TOM1L2: variants seen among roughly 807,000 people sequenced by gnomAD.
TOM1L2 encodes TOM1-like protein 2.
TOM1L2 carries 31 observed loss-of-function variants against 67.9 expected under a neutral mutation model. The ratio of observed to expected loss-of-function variants is 0.46; its 90% CI spans 0.34 to 0.62. The LOEUF (loss-of-function observed/expected upper bound fraction) is 0.62. Among genes scored for constraint, TOM1L2 ranks in the 20% least tolerant of loss-of-function variants. The probability of loss-of-function intolerance (pLI) is 0.01; values close to 1 mark genes in which losing one functional copy is unlikely to be tolerated. For missense variants in TOM1L2, 606 were observed against 663.5 expected (o/e 0.91, Z 0.95); for synonymous variants, 256 against 254.0 (o/e 1.01, Z -0.07).
In TOM1L2 at chr17:17,847,701, G is replaced by A. The variant is rs779631050; in HGVS notation, c.1458C>T (p.Ala486=). The change falls in exon 15 of 15, where the codon GCC becomes GCT. Residue 486 remains alanine, a synonymous_variant. Transcript: ENST00000379504. ...DLPSPPMEAP[A]PASNPSGRKK... Reference sequence around the variant, plus strand: ...TCCGGCCAGAAGGGTTTGAGGCTGGGGCAGGAGCCTCCATGGGGGGCGAGG... The same window carrying A: ...TCCGGCCAGAAGGGTTTGAGGCTGGAGCAGGAGCCTCCATGGGGGGCGAGG... The A allele has an allele frequency of 3.1e-6, 5 of 1,613,932 alleles. No homozygotes were observed. Among genetic ancestry groups the A allele is most frequent in the East Asian group, 4.5e-5 (2 of 44,892 alleles).
rs1005227881 is a variant in TOM1L2 at position 17,844,554 on chromosome 17, T to C, written c.*3081A>G. On this transcript the variant is annotated 3_prime_UTR_variant, in exon 15 of 15. Transcript: ENST00000379504. ...TCTAGCCCAGGCCAGCAACAACCCC[T>C]TGAGGCTCCAAAGCTCCTTGTCCCA... 1 of 152,380 alleles carries C rather than the reference T, an allele frequency of 6.6e-6. No individual in the cohort carries two copies. Among genetic ancestry groups the C allele is most frequent in the Non-Finnish European group, 1.5e-5 (1 of 68,124 alleles). 9.4% of individuals were successfully genotyped at this position (152,380 alleles called of 1,614,324 possible).
At chr17:17,869,692 C>T in intron 7 of TOM1L2, 9 of 1,367,556 alleles carry the variant, frequency 6.6e-6, no homozygotes, top group Non-Finnish European at 8.5e-6. Context: ...GACAAATGTC[C>T]AGACATACTG....
chr17:17,889,424 G>A (rs916147703), intron 4 of TOM1L2, among the ~76,000 whole-genome samples: 1 of 152,138 alleles, frequency 6.6e-6, no homozygotes, highest in African/African-American at 2.4e-5. Flanking sequence ...CTTCCCTATA[G>A]GCACAGGGGG....
chr17:17,866,319 A>G lies in TOM1L2; in HGVS notation c.1061T>C (p.Leu354Pro), dbSNP rs2036847066. The change falls in exon 10 of 15, where the codon CTC becomes CCC. Residue 354 changes from leucine to proline, a missense_variant. Physicochemically the swap from Leu to Pro is moderately conservative, Grantham distance 98. Coordinates refer to ENST00000379504, the MANE Select transcript of TOM1L2 (RefSeq NM_001082968.2). ...ACCTAAGCCTGCAAGCTGGGAGGAG[A>G]GGGAAGATGGGGGCGCTGTGTTCCC... Reference protein sequence around the residue: ...MVGNTAPPSSLSSQLAGLDLG... With the variant: ...MVGNTAPPSSPSSQLAGLDLG... The G allele has an allele frequency of 1.9e-6, 3 of 1,612,724 alleles. No homozygotes were observed. Among genetic ancestry groups the G allele is most frequent in the Non-Finnish European group, 2.5e-6 (3 of 1,179,514 alleles).
Position 17,866,914 on chromosome 17 carries a change from A to G in TOM1L2, c.922T>C (p.Tyr308His). ...TTTTGAACGGATCGGCCAGACCTGT[A>G]TCGTTCGAACCTAACAGGGGAAGGG... ...VFLRYERFER[Y>H]RSGRSVQNAS... is the part of the protein sequence containing the mutation. Residue 308 changes from tyrosine (Y) to histidine (H), a missense_variant, in exon 9 of 15, where the codon TAC (tyrosine) becomes CAC (histidine). By Grantham distance (83) the Tyr-to-His change is moderately conservative (BLOSUM62 2). Around this residue, in one of 2 missense-constraint regions of TOM1L2, gnomAD observed 543 missense variants for 554.0 expected, o/e 0.98. Transcript: ENST00000379504. The G allele has an allele frequency of 1.9e-6, 3 of 1,614,056 alleles. No homozygotes were observed. The highest frequency in any genetic ancestry group is 2.5e-6 in the Non-Finnish European group (3 of 1,179,948).
At chr17:17,938,298 G>A (rs192487679) in intron 1 of TOM1L2, among the ~76,000 whole-genome samples, 3 of 152,340 alleles carry the variant, frequency 2.0e-5, no homozygotes, top group East Asian at 1.9e-4. Flanking sequence ...CTGGCAGGAC[G>A]TTCTAGAAGG....
chr17:17,866,224 A>G, intron 10 of TOM1L2, 72 bp downstream of exon 10: 2 of 1,500,786 alleles, frequency 1.3e-6, no homozygotes, highest in Non-Finnish European at 1.8e-6. Flanking sequence ...CCAAGAAAGA[A>G]AGAGAGGTGG....
intron 7 of TOM1L2, among the ~76,000 whole-genome samples, chr17:17,875,503 A>G (rs1424064963): frequency 6.6e-6 from 1 of 152,070 alleles, no homozygotes; most frequent in Non-Finnish European, 1.5e-5. Flanking sequence ...TGCTCAGGTC[A>G]CCCTTTCCAC....
chr17:17,968,806 C>A (rs1391303916), intron 1 of TOM1L2, among the ~76,000 whole-genome samples: 2 of 152,094 alleles, frequency 1.3e-5, no homozygotes. Context: ...GTGCCTGTGC[C>A]CCACTCCCTG....
chr17:17,926,316 C>G (rs536735921), intron 1 of TOM1L2, among the ~76,000 whole-genome samples: 1 of 152,180 alleles, frequency 6.6e-6, no homozygotes, highest in Non-Finnish European at 1.5e-5. Context: ...TTATTCTGAC[C>G]AGGCCTCCCT....
In TOM1L2 at chr17:17,848,882, G is replaced by A. The variant is rs371800783; in HGVS notation, c.1339-23C>T. ...CTTCTGTGGGAGGAGCAGAGAAAAT[G>A]AAATTAGGGCACTGGTCCAAGCACT... On this transcript the variant is annotated intron_variant, in intron 13 of 14. Transcript: ENST00000379504. 3.7e-6 allele frequency: 6 copies of A among 1,614,072 alleles called. No homozygotes were observed. In the African/African-American group the frequency reaches 6.7e-5, roughly 18 times the overall value.
At chr17:17,876,946 A>C (rs2037455251) in intron 7 of TOM1L2, among the ~76,000 whole-genome samples, 1 of 152,212 alleles carries the variant, frequency 6.6e-6, no homozygotes, top group Non-Finnish European at 1.5e-5. Context: ...ACTTCCTGGA[A>C]GGTCTCTCCC....
At chr17:17,897,507 A>C (rs900584557) in intron 3 of TOM1L2, among the ~76,000 whole-genome samples, 5 of 152,228 alleles carry the variant, frequency 3.3e-5, no homozygotes, top group Non-Finnish European at 5.9e-5. Context: ...TTCTATTTTA[A>C]GAACTCACTG....
In TOM1L2 at chr17:17,884,703, C is replaced by CA; in HGVS notation, c.431dup (p.Lys145GlufsTer6). ...TGGGAAATTCAACCCCTTTCCTCTTCAGCTCCTCATATATGTGCACAACGC... is the reference window on the plus strand; with the variant it reads ...TGGGAAATTCAACCCCTTTCCTCTTCAAGCTCCTCATATATGTGCACAACGC... On this transcript the variant is annotated frameshift_variant, in exon 5 of 15. Coordinates refer to ENST00000379504, the MANE Select transcript of TOM1L2 (RefSeq NM_001082968.2). LOFTEE classifies it high-confidence loss of function. 1 of 1,614,030 alleles carries CA rather than the reference C, an allele frequency of 6.2e-7. No individual in the cohort carries two copies. The highest frequency in any genetic ancestry group is 8.5e-7 in the Non-Finnish European group (1 of 1,180,030).
At chr17:17,949,426 T>G (rs564409580) in intron 1 of TOM1L2, among the ~76,000 whole-genome samples, 11 of 152,324 alleles carry the variant, frequency 7.2e-5, no homozygotes, top group African/African-American at 2.6e-4. Flanking sequence ...GAATAAATGT[T>G]ACAAAGTGCC....
intron 1 of TOM1L2, among the ~76,000 whole-genome samples, chr17:17,963,729 G>A (rs1296421353): frequency 2.6e-5 from 4 of 152,208 alleles, no homozygotes; most frequent in Admixed American, 2.0e-4. Context: ...CATGTGCTGT[G>A]AAGGTCACAA....
chr17:17,914,863 A>T (rs967394630), intron 1 of TOM1L2, among the ~76,000 whole-genome samples: 26 of 152,204 alleles, frequency 1.7e-4, no homozygotes, highest in African/African-American at 5.5e-4. Flanking sequence ...AAGGTTAGGG[A>T]TATATCTTTT....
At chr17:17,907,990 A>C (rs2039172694) in intron 1 of TOM1L2, among the ~76,000 whole-genome samples, 1 of 152,246 alleles carries the variant, frequency 6.6e-6, no homozygotes, top group African/African-American at 2.4e-5. Context: ...TACATGAAAC[A>C]CTTAGAACAG....
At chr17:17,938,758 T>C (rs1253062108) in intron 1 of TOM1L2, among the ~76,000 whole-genome samples, 6 of 129,378 alleles carry the variant, frequency 4.6e-5, no homozygotes, top group African/African-American at 1.2e-4. Context: ...GAGGCAAAGG[T>C]TGAAAGGGTT....
Sources: allele counts gnomAD v4.1 joint callset (sites outside exome capture counted in the v4.1 genomes callset), GRCh38; gene constraint gnomAD v4.1.1; regional missense constraint gnomAD v4.1.1; transcripts MANE v1.5; gene names NCBI Gene and HGNC (gene_info 2026-07-23, HGNC 2026-07-21).